CEMIP: variants seen among roughly 807,000 people sequenced by gnomAD.
CEMIP encodes the protein cell migration inducing hyaluronidase 1.
A neutral mutation model predicts 156.9 loss-of-function variants in CEMIP; 105 were observed. The ratio of observed to expected loss-of-function variants is 0.67; its 90% CI spans 0.57 to 0.79. The LOEUF (loss-of-function observed/expected upper bound fraction) is 0.79. Among genes scored for constraint, CEMIP ranks in the 30% least tolerant of loss-of-function variants. The pLI is 0.00. For missense variants in CEMIP, 1,457 were observed against 1,769.4 expected (o/e 0.82, Z 3.17); for synonymous variants, 676 against 668.4 (o/e 1.01, Z -0.17).
chr15:80,793,373 A>G (rs1278382066), intron 1 of CEMIP, among the ~76,000 whole-genome samples: 1 of 152,220 alleles, frequency 6.6e-6, no homozygotes, highest in Non-Finnish European at 1.5e-5. Context: ...TACACACATT[A>G]TCAACACGAG....
At chr15:80,918,659 G>A (rs936503174) in intron 14 of CEMIP, among the ~76,000 whole-genome samples, 6 of 152,126 alleles carry the variant, frequency 3.9e-5, no homozygotes, top group Non-Finnish European at 5.9e-5. Flanking sequence ...TGACATCATC[G>A]GGCAGTCTGT....
At chr15:80,871,189 T>C (rs1485748594) in intron 1 of CEMIP, among the ~76,000 whole-genome samples, 1 of 152,204 alleles carries the variant, frequency 6.6e-6, no homozygotes, top group African/African-American at 2.4e-5. Context: ...GGAATGTTTC[T>C]TGGGACATGT....
intron 27 of CEMIP, 128 bp downstream of exon 27, chr15:80,942,465 G>A (rs1901380975): frequency 1.3e-6 from 1 of 791,432 alleles, no homozygotes; most frequent in Non-Finnish European, 2.2e-6. Context: ...TCCTCCAGGG[G>A]GCTTGGGGCG....
chr15:80,840,480 ATGTT>A (rs372242007), intron 1 of CEMIP, among the ~76,000 whole-genome samples: 9 of 152,192 alleles, frequency 5.9e-5, no homozygotes, highest in South Asian at 4.2e-4. Flanking sequence ...CCGTTTTTAA[ATGTT>A]TGTTTGGGTT....
In CEMIP at chr15:80,873,865, G is replaced by C; in HGVS notation, c.-15G>C. 1 of 1,567,458 alleles carries C rather than the reference G, an allele frequency of 6.4e-7. No homozygotes were observed. The highest frequency in any genetic ancestry group is 8.7e-7 in the Non-Finnish European group (1 of 1,153,346). ...TGACTCTGTGTGCTTCTCTTTCAGG[G>C]AGCACACTGCCAGGATGGGAGCTGC... On this transcript the variant is annotated splice_region_variant and 5_prime_UTR_variant, in exon 3 of 30. Transcript: ENST00000394685.
chr15:80,849,760 C>T (rs980710093), intron 1 of CEMIP, among the ~76,000 whole-genome samples: 1 of 152,066 alleles, frequency 6.6e-6, no homozygotes, highest in Non-Finnish European at 1.5e-5. Flanking sequence ...AAAATGAGGC[C>T]AGATTGAAAT....
chr15:80,867,885 T>G (rs1898172837), intron 1 of CEMIP, among the ~76,000 whole-genome samples: 2 of 152,110 alleles, frequency 1.3e-5, no homozygotes, highest in Admixed American at 1.3e-4. Flanking sequence ...GGCGGCGTGT[T>G]TGGCTGCCCC....
intron 1 of CEMIP, among the ~76,000 whole-genome samples, chr15:80,872,022 G>C (rs529692585): frequency 6.6e-6 from 1 of 152,228 alleles, no homozygotes; most frequent in African/African-American, 2.4e-5. Context: ...TCCCTCCCCC[G>C]GCCTCCCAAG....
chr15:80,946,787 A>C, intron 28 of CEMIP, 178 bp from the exon 29 acceptor site: 1 of 646,586 alleles, frequency 1.5e-6, no homozygotes, highest in Non-Finnish European at 2.9e-6. Flanking sequence ...GTTCGTCACC[A>C]CATGGAAAGA....
At chr15:80,798,538 C>T (rs1165325478) in intron 1 of CEMIP, among the ~76,000 whole-genome samples, 1 of 152,158 alleles carries the variant, frequency 6.6e-6, no homozygotes, top group Non-Finnish European at 1.5e-5. Flanking sequence ...TTTGATATTA[C>T]TATAACTTAA....
chr15:80,933,118 C>CCG, intron 22 of CEMIP, 127 bp from the exon 23 acceptor site: 1 of 822,778 alleles, frequency 1.2e-6, no homozygotes, highest in Non-Finnish European at 2.0e-6. Context: ...CTCTCAGTGC[C>CCG]CGAGAGCATC....
intron 1 of CEMIP, among the ~76,000 whole-genome samples, chr15:80,791,972 C>T (rs186509845): frequency 6.6e-6 from 1 of 152,282 alleles, no homozygotes; most frequent in African/African-American, 2.4e-5. Context: ...TCTGCCGATG[C>T]CCCCTGGGTG....
intron 1 of CEMIP, among the ~76,000 whole-genome samples, chr15:80,799,676 T>A (rs1896326257): frequency 1.3e-5 from 2 of 152,120 alleles, no homozygotes; most frequent in Admixed American, 1.3e-4. Context: ...AATCTAAGTG[T>A]CCATCAATGG....
At chr15:80,804,995 T>C (rs911769459) in intron 1 of CEMIP, among the ~76,000 whole-genome samples, 5 of 152,156 alleles carry the variant, frequency 3.3e-5, no homozygotes, top group Admixed American at 1.3e-4. Context: ...CACGGAGAAC[T>C]ACCATGGCCA....
At chr15:80,780,279 G>T (rs986004534) in intron 1 of CEMIP, among the ~76,000 whole-genome samples, 8 of 152,262 alleles carry the variant, frequency 5.3e-5, no homozygotes, top group African/African-American at 1.9e-4. Context: ...CTGGAAGAAG[G>T]TCTGGTGGTC....
chr15:80,902,385 G>A (rs1448779434), intron 12 of CEMIP, among the ~76,000 whole-genome samples: 2 of 152,152 alleles, frequency 1.3e-5, no homozygotes, highest in East Asian at 1.9e-4. Context: ...TGGGCTTCAC[G>A]TATCAGTACT....
At chr15:80,927,708 T>A (rs191717243) in intron 19 of CEMIP, among the ~76,000 whole-genome samples, 1 of 152,124 alleles carries the variant, frequency 6.6e-6, no homozygotes, top group East Asian at 1.9e-4. Flanking sequence ...CAATCGGGGC[T>A]GACAGAAGAC....
chr15:80,822,366 G>A (rs1488968134), intron 1 of CEMIP, among the ~76,000 whole-genome samples: 1 of 152,220 alleles, frequency 6.6e-6, no homozygotes, highest in African/African-American at 2.4e-5. Context: ...ACCTCATGGT[G>A]TTTTGACAGT....
At chr15:80,921,978 G>A in intron 16 of CEMIP, 31 bp from the exon 17 acceptor site, 4 of 1,613,746 alleles carry the variant, frequency 2.5e-6, no homozygotes, top group African/African-American at 1.3e-5. Flanking sequence ...GCTGAACGCT[G>A]TGGCTTTTCC....
Sources: gnomAD v4.1 joint callset for allele counts (sites outside exome capture counted in the v4.1 genomes callset) on GRCh38, gnomAD v4.1.1 for gene constraint, MANE v1.5 for transcripts, NCBI Gene and HGNC (gene_info 2026-07-23, HGNC 2026-07-21) for gene names.